The following MCM5 variants were observed in gnomAD, a reference collection of about 807,000 sequenced individuals.
The protein encoded by MCM5 is DNA replication licensing factor MCM5.
MCM5 carries 46 observed loss-of-function variants against 79.9 expected under a neutral mutation model. The observed-to-expected ratio is 0.58, with a 90% CI of 0.45 to 0.74. MCM5 has a LOEUF of 0.74. Ranked by LOEUF, MCM5 falls within the 30% of genes least tolerant of loss-of-function variation. The pLI is 0.00. For missense variants in MCM5, 883 were observed against 1,017.0 expected (o/e 0.87, Z 1.79); for synonymous variants, 404 against 390.5 (o/e 1.03, Z -0.41).
chr22:35,449,577 T>TCTCTGTCCCAGCTGTGGCCC, the MCM5 span, among the ~76,000 whole-genome samples: 138 of 71,562 alleles, frequency 1.9e-3, no homozygotes, highest in African/African-American at 4.6e-3. Context: ...AGCTGTGGCC[T>TCTCTGTCCCAGCTGTGGCCC]CTCTGTCCCA....
chr22:35,415,262 T>A lies in MCM5; in HGVS notation c.1204-567T>A, dbSNP rs116536096. On this transcript the variant is annotated intron_variant, in intron 9 of 16. Coordinates refer to ENST00000216122, the MANE Select transcript of MCM5 (RefSeq NM_006739.4). ...AGTTACTTCTGTTTAACTCGCTATA[T>A]CTAAAATCTCATTTCAACATGTTGT... Among the ~76,000 whole-genome samples, 454 of 152,302 alleles carry A rather than the reference T, an allele frequency of 3.0e-3. 3 individuals are homozygous for A. The highest frequency in any genetic ancestry group is 0.01 in the African/African-American group (432 of 41,556).
In MCM5 at chr22:35,406,582, C is replaced by T. The variant is rs767745795; in HGVS notation, c.453C>T (p.Ile151=). 12 of 1,613,900 alleles carry T rather than the reference C, an allele frequency of 7.4e-6. 2 individuals carry two copies. The South Asian group carries it at 9.9e-5, about 13-fold the overall frequency. ...ACATGATGTCACACCTGGTGAAGAT[C>T]CCTGGCATCATCATCGCGGCCTCTG... The part of the protein sequence containing the change: ...KSDMMSHLVK[I]PGIIIAASAV... The change falls in exon 5 of 17, where the codon ATC becomes ATT. Residue 151 remains isoleucine (I), a synonymous_variant. Coordinates refer to ENST00000216122, the MANE Select transcript of MCM5 (RefSeq NM_006739.4).
intron 13 of MCM5, among the ~76,000 whole-genome samples, chr22:35,418,983 CT>C (rs1932623405): frequency 6.6e-6 from 1 of 152,162 alleles, no homozygotes; most frequent in Non-Finnish European, 1.5e-5. Flanking sequence ...TCGTACAGCG[CT>C]TTGGTGATCT....
intron 4 of MCM5, among the ~76,000 whole-genome samples, chr22:35,406,296 A>ACCCC (rs758388958): frequency 0.033 from 3,973 of 119,604 alleles, 322 homozygotes; most frequent in Non-Finnish European, 0.041. Flanking sequence ...TTGCCCTGCC[A>ACCCC]CCTCCCCCCC....
chr22:35,416,664 C>G lies in MCM5; in HGVS notation c.1440C>G (p.Ser480=). Residue 480 remains serine (S), a synonymous_variant, in exon 12 of 17, where the codon TCC becomes TCG. Transcript: ENST00000216122. ...CTGGGATCACCACCACCCTGAACTC[C>G]CGCTGCTCCGTCCTGGCTGCTGCCA... is the stretch of plus-strand genomic sequence containing the variant. ...AKAGITTTLN[S]RCSVLAAANS... is the part of the protein sequence containing the mutation. 5 of 1,614,016 alleles carry G rather than the reference C, an allele frequency of 3.1e-6. No homozygotes were observed. The highest frequency in any genetic ancestry group is 1.1e-5 in the South Asian group (1 of 91,076).
In MCM5 at chr22:35,416,661, C is replaced by A. The variant is rs1273128769; in HGVS notation, c.1437C>A (p.Asn479Lys). ...IAKAGITTTL[N>K]SRCSVLAAAN... ...AGGCTGGGATCACCACCACCCTGAA[C>A]TCCCGCTGCTCCGTCCTGGCTGCTG... Residue 479 changes from asparagine to lysine, a missense_variant, in exon 12 of 17, where the codon AAC becomes AAA. Around this residue, in one of 3 missense-constraint regions of MCM5, gnomAD observed 426 missense variants for 482.3 expected, o/e 0.88. Coordinates refer to ENST00000216122, the MANE Select transcript of MCM5 (RefSeq NM_006739.4). 1 of 1,614,072 alleles carries A rather than the reference C, an allele frequency of 6.2e-7. No homozygotes were observed. Among genetic ancestry groups the A allele is most frequent in the African/African-American group, 1.3e-5 (1 of 75,030 alleles).
chr22:35,436,023 T>G, the MCM5 span, among the ~76,000 whole-genome samples: 638 of 151,754 alleles, frequency 4.2e-3, 6 homozygotes, highest in African/African-American at 0.015. Context: ...AAAAATTAGC[T>G]GGGCATGGTG....
chr22:35,440,926 G>A, the MCM5 span, among the ~76,000 whole-genome samples: 8 of 152,190 alleles, frequency 5.3e-5, no homozygotes, highest in African/African-American at 1.2e-4. Flanking sequence ...GTGTGGTGGC[G>A]CATGCCTGTA....
chr22:35,415,641 G>A (rs1212751052), intron 9 of MCM5, among the ~76,000 whole-genome samples, 188 bp from the exon 10 acceptor site: 1 of 152,240 alleles, frequency 6.6e-6, no homozygotes, highest in Non-Finnish European at 1.5e-5. Context: ...TGGGCACACC[G>A]AGGCCCAGGG....
intron 4 of MCM5, among the ~76,000 whole-genome samples, chr22:35,406,281 A>G (rs1208463588): frequency 1.5e-5 from 2 of 136,514 alleles, no homozygotes; most frequent in Non-Finnish European, 3.1e-5. Context: ...TGCTTAGTGT[A>G]TCTCTTGCCC....
chr22:35,423,046 T>C (rs540701090), intron 15 of MCM5, 168 bp from the exon 16 acceptor site: 6 of 562,188 alleles, frequency 1.1e-5, no homozygotes, highest in Non-Finnish European at 1.8e-5. Flanking sequence ...ATGTGCCATA[T>C]CCTGTCTCCT....
the MCM5 span, among the ~76,000 whole-genome samples, chr22:35,441,486 C>T: frequency 2.6e-5 from 4 of 152,202 alleles, no homozygotes; most frequent in African/African-American, 9.7e-5. Flanking sequence ...CCTATTATCC[C>T]TCACACAGCC....
At position 35,420,030 on chromosome 22, in the gene MCM5, G is replaced by T. The variant is rs540652575; in HGVS notation, c.1832+18G>T. ...ACTGTGCGGTGAGCAGGCGGGCAGG[G>T]CTGGGCCATGGCAGATGGGGCTTGC... On this transcript the variant is annotated intron_variant, in intron 14 of 16. Transcript: ENST00000216122. The T allele has an allele frequency of 1.9e-6, 3 of 1,595,726 alleles. No homozygotes were observed. The highest frequency in any genetic ancestry group is 2.7e-5 in the African/African-American group (2 of 74,642).
chr22:35,410,169 C>T (rs1161799704), intron 6 of MCM5, among the ~76,000 whole-genome samples: 4 of 152,098 alleles, frequency 2.6e-5, no homozygotes, highest in African/African-American at 7.2e-5. Flanking sequence ...GGTCACACAG[C>T]GACTAAGTGT....
intron 4 of MCM5, among the ~76,000 whole-genome samples, chr22:35,405,368 T>C (rs893748698): frequency 1.3e-5 from 2 of 151,782 alleles, no homozygotes; most frequent in African/African-American, 4.8e-5. Context: ...CTCTAAAAGA[T>C]GAATCTCTTT....
chr22:35,417,449 G>C (rs1932574658), intron 12 of MCM5, among the ~76,000 whole-genome samples: 1 of 151,004 alleles, frequency 6.6e-6, no homozygotes, highest in Non-Finnish European at 1.5e-5. Context: ...TGCCCAAGTT[G>C]GGGTGGACAA....
chr22:35,434,521 T>G, the MCM5 span, among the ~76,000 whole-genome samples: 1 of 152,096 alleles, frequency 6.6e-6, no homozygotes, highest in South Asian at 2.1e-4. Context: ...GCCAGAGAGA[T>G]GAGATGCCAA....
chr22:35,424,437 C>G lies in MCM5; in HGVS notation c.*182C>G. 1 of 552,780 alleles carries G rather than the reference C, an allele frequency of 1.8e-6. No homozygotes were observed. The highest frequency in any genetic ancestry group is 3.2e-6 in the Non-Finnish European group (1 of 313,766). The allele number at this position is 552,780 out of a possible 1,614,324, so 34.2% of individuals were successfully genotyped here. ...TCCTGCTGCCTCTGGGCGCCCGCCT[C>G]TAGCGCGGTTCTGGGAAGTGTGCTT... On this transcript the variant is annotated 3_prime_UTR_variant, in exon 17 of 17. Coordinates refer to ENST00000216122, the MANE Select transcript of MCM5 (RefSeq NM_006739.4).
At chr22:35,417,920 C>T in intron 13 of MCM5, 64 bp downstream of exon 13, 2 of 1,127,128 alleles carry the variant, frequency 1.8e-6, no homozygotes, top group East Asian at 2.4e-5. Flanking sequence ...GGAGAGAACC[C>T]AGTCCCCTGG....
Sources: gnomAD v4.1 joint callset for allele counts (sites outside exome capture counted in the v4.1 genomes callset) on GRCh38, gnomAD v4.1.1 for gene constraint, gnomAD v4.1.1 regional missense constraint, MANE v1.5 for transcripts, NCBI Gene and HGNC (gene_info 2026-07-23, HGNC 2026-07-21) for gene names.